SLIT3: variants seen among roughly 807,000 people sequenced by gnomAD.
SLIT3 encodes slit homolog 3 protein.
In SLIT3, 68 loss-of-function variants were observed where a neutral mutation model predicts 184.0. The ratio of observed to expected loss-of-function variants is 0.37; its 90% CI spans 0.30 to 0.45. The LOEUF (loss-of-function observed/expected upper bound fraction) is 0.45. SLIT3 is among the 20% of genes least tolerant of loss of function. The pLI, the probability that SLIT3 is intolerant of heterozygous loss-of-function variation, is 1.00. For synonymous variants in SLIT3, 831 were observed against 828.6 expected, an observed-to-expected ratio of 1.00 and a Z score of -0.05; for missense variants, 1,707 against 2,026.0, an observed-to-expected ratio of 0.84 and a Z score of 3.02.
intron 5 of SLIT3, among the ~76,000 whole-genome samples, chr5:168,846,376 C>G (rs1429209134): frequency 1.3e-5 from 2 of 152,124 alleles, no homozygotes; most frequent in African/African-American, 4.8e-5. Flanking sequence ...TCTTCTGGAG[C>G]CTTTATTCAC....
intron 16 of SLIT3, among the ~76,000 whole-genome samples, chr5:168,756,830 A>G (rs1361215815): frequency 6.6e-6 from 1 of 152,210 alleles, no homozygotes; most frequent in Non-Finnish European, 1.5e-5. Flanking sequence ...GGCAATGCAG[A>G]TGAGTTAAAG....
At chr5:168,899,800 C>G (rs1227810371) in intron 4 of SLIT3, among the ~76,000 whole-genome samples, 1 of 29,190 alleles carries the variant, frequency 3.4e-5, no homozygotes, top group Non-Finnish European at 2.0e-4. Context: ...TGGAACATTG[C>G]CCCTAAGATG....
chr5:168,700,130 G>C (rs1246059949), intron 27 of SLIT3, among the ~76,000 whole-genome samples: 1 of 152,208 alleles, frequency 6.6e-6, no homozygotes, highest in African/African-American at 2.4e-5. Context: ...AGCACAGCAC[G>C]GGCACTGGGC....
chr5:169,229,574 T>A (rs1446102002), intron 3 of SLIT3, among the ~76,000 whole-genome samples: 10 of 152,142 alleles, frequency 6.6e-5, no homozygotes. Context: ...TGGCATGGGA[T>A]GTTTGACCTA....
intron 3 of SLIT3, among the ~76,000 whole-genome samples, chr5:169,195,159 C>T (rs990189245): frequency 6.6e-6 from 1 of 152,200 alleles, no homozygotes; most frequent in Non-Finnish European, 1.5e-5. Context: ...AGGTGAGCTT[C>T]TCCCTAGCTC....
At position 169,184,377 on chromosome 5, in the gene SLIT3, C is replaced by G. The variant is rs917739432; in HGVS notation, c.413+9102G>C. On this transcript the variant is annotated intron_variant, in intron 4 of 35. Transcript: ENST00000519560. ...TCATTTCTGGTGAGTGAGTGAAACT[C>G]AAGCCCAGTTTCCTCATCAGTGTAG... Among the ~76,000 whole-genome samples, 3 of 152,210 alleles carry G rather than the reference C, an allele frequency of 2.0e-5. No homozygotes were observed. In the East Asian group the frequency reaches 5.8e-4, roughly 29 times the overall value.
chr5:169,294,077 A>T (rs1767433075), intron 1 of SLIT3, among the ~76,000 whole-genome samples: 1 of 152,198 alleles, frequency 6.6e-6, no homozygotes, highest in Non-Finnish European at 1.5e-5. Flanking sequence ...CTCTCTGGGA[A>T]TGCCTCCACC....
At chr5:169,053,467 A>C (rs1374161693) in intron 4 of SLIT3, among the ~76,000 whole-genome samples, 1 of 152,136 alleles carries the variant, frequency 6.6e-6, no homozygotes, top group Non-Finnish European at 1.5e-5. Context: ...TGGGCTACTA[A>C]GATTGCTTTG....
Position 169,300,588 on chromosome 5 carries a change from G to C in SLIT3, c.122C>G (p.Ser41Cys). The change falls in exon 1 of 36, where the codon TCC becomes TGC. Residue 41 changes from serine to cysteine, a missense_variant. This residue lies in a region of SLIT3 where 1,307 missense variants were observed against 1,511.6 expected (regional missense o/e 0.86). Coordinates refer to ENST00000519560, the MANE Select transcript of SLIT3 (RefSeq NM_003062.4). The surrounding 1 kb of genome is among the most constrained non-coding windows in gnomAD (Gnocchi z 4.1). ...AVACPTKCTC[S>C]AASVDCHGLG... ...CCCGTGGCAGTCCACGCTGGCAGCGGAGCAGGTACACTTGGTGGGGCAGGC... is the reference window on the plus strand; with the variant it reads ...CCCGTGGCAGTCCACGCTGGCAGCGCAGCAGGTACACTTGGTGGGGCAGGC... The C allele has an allele frequency of 6.6e-7, 1 of 1,512,166 alleles. No individual in the cohort carries two copies. The highest frequency in any genetic ancestry group is 8.8e-7 in the Non-Finnish European group (1 of 1,134,488). The allele number at this position is 1,512,166 out of a possible 1,614,324, so 93.7% of individuals were successfully genotyped here.
intron 26 of SLIT3, chr5:168,706,920 TG>T (rs1762388310): frequency 6.6e-6 from 1 of 152,228 alleles, no homozygotes; most frequent in Non-Finnish European, 1.5e-5. Flanking sequence ...CTGCATCAGA[TG>T]TGTGCATTAG....
chr5:168,674,812 G>A (rs541442980), intron 32 of SLIT3, among the ~76,000 whole-genome samples: 1 of 152,130 alleles, frequency 6.6e-6, no homozygotes, highest in African/African-American at 2.4e-5. Context: ...TATTCAGTGT[G>A]CACATCCTAC....
At chr5:168,781,003 C>T (rs1321194267) in intron 12 of SLIT3, among the ~76,000 whole-genome samples, 2 of 152,192 alleles carry the variant, frequency 1.3e-5, no homozygotes, top group Admixed American at 6.5e-5. Flanking sequence ...CCCTCCAAGT[C>T]CCAACTAGGG....
intron 4 of SLIT3, among the ~76,000 whole-genome samples, chr5:168,916,578 C>T (rs979495456): frequency 6.6e-6 from 1 of 152,206 alleles, no homozygotes; most frequent in Non-Finnish European, 1.5e-5. Context: ...TAAACATCAG[C>T]CCTAAATTAA....
chr5:168,756,289 G>A (rs990971613), intron 16 of SLIT3, among the ~76,000 whole-genome samples: 6 of 152,232 alleles, frequency 3.9e-5, no homozygotes, highest in Non-Finnish European at 5.9e-5. Context: ...GCCAGGGGGC[G>A]AGAACTCCCT....
At chr5:169,167,268 CTTT>C (rs11287374) in intron 4 of SLIT3, among the ~76,000 whole-genome samples, 2 of 90,590 alleles carry the variant, frequency 2.2e-5, no homozygotes, top group Middle Eastern at 9.6e-3. Context: ...GTTCTAAGCA[CTTT>C]TTTTTTTTTT....
At chr5:169,289,191 CT>C (rs151316104) in intron 1 of SLIT3, among the ~76,000 whole-genome samples, 69 of 152,330 alleles carry the variant, frequency 4.5e-4, no homozygotes, top group African/African-American at 1.6e-3. Flanking sequence ...CAGCCTAGGT[CT>C]TTCTACTCAT....
chr5:168,975,793 C>T (rs551543111), intron 4 of SLIT3, among the ~76,000 whole-genome samples: 186 of 152,258 alleles, frequency 1.2e-3, no homozygotes, highest in Middle Eastern at 3.4e-3. Flanking sequence ...TTAGGCAGAA[C>T]AATTTAACTG....
At chr5:169,156,962 G>A (rs297812) in intron 4 of SLIT3, among the ~76,000 whole-genome samples, 99,243 of 151,912 alleles carry the variant, frequency 0.65, 32,643 homozygotes, top group African/African-American at 0.73. Context: ...CTCCAACCTG[G>A]CAGCTTAGTA....
intron 4 of SLIT3, among the ~76,000 whole-genome samples, chr5:169,075,589 G>A (rs918075818): frequency 2.0e-5 from 3 of 152,190 alleles, no homozygotes; most frequent in African/African-American, 7.2e-5. Context: ...TTTCTTCAAG[G>A]AAATTTGTGA....
Sources: gnomAD v4.1 joint callset for allele counts (sites outside exome capture counted in the v4.1 genomes callset) on GRCh38, gnomAD v4.1.1 for gene constraint, gnomAD v4.1.1 regional missense constraint, Gnocchi (gnomAD v3.1) non-coding constraint, MANE v1.5 for transcripts, NCBI Gene and HGNC (gene_info 2026-07-23, HGNC 2026-07-21) for gene names.